The following SPMIP3 variants were observed in gnomAD, a reference collection of about 807,000 sequenced individuals.
SPMIP3 encodes protein SPMIP3.
the SPMIP3 span, among the ~76,000 whole-genome samples, chr1:244,370,416 A>C: frequency 2.6e-5 from 4 of 152,108 alleles, no homozygotes; most frequent in Non-Finnish European, 5.9e-5. Flanking sequence ...ACTTCCCCTG[A>C]GCCTCAGTTT....
chr1:244,362,842 A>AC, the SPMIP3 span, among the ~76,000 whole-genome samples: 3 of 118,080 alleles, frequency 2.5e-5, no homozygotes, highest in Non-Finnish European at 5.4e-5. Context: ...TTCCCTGTGA[A>AC]CTTTTTTTTT....
chr1:244,367,078 T>G, the SPMIP3 span, among the ~76,000 whole-genome samples: 1 of 150,146 alleles, frequency 6.7e-6, no homozygotes, highest in South Asian at 2.1e-4. Flanking sequence ...GGGCAGGGGG[T>G]GGGAGAAGGG....
the SPMIP3 span, chr1:244,389,081 G>T: frequency 1.3e-6 from 2 of 1,595,638 alleles, no homozygotes; most frequent in South Asian, 2.2e-5. Context: ...CACGGCATTC[G>T]AACAAAATAA....
chr1:244,369,042 C>T, the SPMIP3 span, among the ~76,000 whole-genome samples: 3 of 152,156 alleles, frequency 2.0e-5, no homozygotes, highest in East Asian at 1.9e-4. Context: ...ACCTGTAGTC[C>T]CAGCCTCTCG....
chr1:244,382,533 G>A, the SPMIP3 span, among the ~76,000 whole-genome samples: 2 of 151,164 alleles, frequency 1.3e-5, no homozygotes, highest in Non-Finnish European at 2.9e-5. Flanking sequence ...GTAAGACATT[G>A]AAGGATTTTT....
the SPMIP3 span, among the ~76,000 whole-genome samples, chr1:244,370,083 G>C: frequency 6.6e-6 from 1 of 152,144 alleles, no homozygotes; most frequent in African/African-American, 2.4e-5. Flanking sequence ...GCTGCTTTTT[G>C]TTAAAAGGGA....
chr1:244,356,108 A>G, the SPMIP3 span, among the ~76,000 whole-genome samples: 4 of 152,202 alleles, frequency 2.6e-5, no homozygotes, highest in Non-Finnish European at 1.5e-5. Context: ...GGACATCTGT[A>G]CACCTTTTAT....
At chr1:244,359,366 G>A in the SPMIP3 span, among the ~76,000 whole-genome samples, 1 of 152,034 alleles carries the variant, frequency 6.6e-6, no homozygotes, top group South Asian at 2.1e-4. Context: ...ATCTGACAAG[G>A]GATTAATAAC....
At chr1:244,360,538 A>G in the SPMIP3 span, among the ~76,000 whole-genome samples, 1 of 62,378 alleles carries the variant, frequency 1.6e-5, no homozygotes, top group African/African-American at 5.2e-5. Flanking sequence ...ACACACACAC[A>G]CACACACACA....
the SPMIP3 span, among the ~76,000 whole-genome samples, chr1:244,383,121 C>A: frequency 3.5e-4 from 54 of 152,278 alleles, no homozygotes; most frequent in African/African-American, 1.3e-3. Context: ...CACACATATT[C>A]CTTCAGGAAA....
chr1:244,358,272 A>G, the SPMIP3 span, among the ~76,000 whole-genome samples: 1 of 131,142 alleles, frequency 7.6e-6, no homozygotes, highest in African/African-American at 2.7e-5. Flanking sequence ...ATTACAAAAT[A>G]GAATATCTGC....
chr1:244,385,231 T>C, the SPMIP3 span, among the ~76,000 whole-genome samples: 1 of 152,212 alleles, frequency 6.6e-6, no homozygotes, highest in Non-Finnish European at 1.5e-5. Context: ...GCAGAAGGTA[T>C]GTCTAGATTA....
At chr1:244,369,661 T>C in the SPMIP3 span, among the ~76,000 whole-genome samples, 57,900 of 151,118 alleles carry the variant, frequency 0.38, 12,498 homozygotes, top group Non-Finnish European at 0.51. Context: ...GTGTCTGATT[T>C]ACATAGGGCA....
the SPMIP3 span, among the ~76,000 whole-genome samples, chr1:244,358,439 G>C: frequency 5.4e-4 from 82 of 151,964 alleles, no homozygotes; most frequent in African/African-American, 2.0e-3. Flanking sequence ...ACAAAAACTA[G>C]CTAGGCGTGG....
the SPMIP3 span, chr1:244,364,828 C>T: frequency 3.5e-6 from 5 of 1,422,270 alleles, no homozygotes; most frequent in Non-Finnish European, 5.0e-6. Flanking sequence ...GTTAGAATTG[C>T]ACATCCTGCT....
At chr1:244,365,968 C>T in the SPMIP3 span, among the ~76,000 whole-genome samples, 5 of 152,048 alleles carry the variant, frequency 3.3e-5, no homozygotes, top group Non-Finnish European at 7.4e-5. Flanking sequence ...AATAACAAGC[C>T]CTAGATCTGT....
At chr1:244,387,799 G>A in the SPMIP3 span, among the ~76,000 whole-genome samples, 8 of 152,156 alleles carry the variant, frequency 5.3e-5, no homozygotes, top group African/African-American at 1.9e-4. Context: ...AAGAGAAGTA[G>A]GAAGTGAAAA....
the SPMIP3 span, among the ~76,000 whole-genome samples, chr1:244,371,654 T>G: frequency 6.6e-6 from 1 of 152,130 alleles, no homozygotes; most frequent in Admixed American, 6.5e-5. Context: ...CAGCAGGTGT[T>G]TGTTTGTATG....
chr1:244,378,770 G>C, the SPMIP3 span: 1 of 1,006,982 alleles, frequency 9.9e-7, no homozygotes, highest in Admixed American at 2.7e-5. Context: ...GGATATGTGT[G>C]TGTGTGTTTC....
Sources: gnomAD v4.1 joint callset for allele counts (sites outside exome capture counted in the v4.1 genomes callset) on GRCh38, gnomAD v4.1.1 for gene constraint, MANE v1.5 for transcripts, NCBI Gene and HGNC (gene_info 2026-07-23, HGNC 2026-07-21) for gene names.